OTUD7A: variants seen among roughly 807,000 people sequenced by gnomAD.
OTUD7A encodes OTU domain-containing protein 7A.
A neutral mutation model predicts 65.7 loss-of-function variants in OTUD7A; 12 were observed. The ratio of observed to expected loss-of-function variants is 0.18; its 90% CI spans 0.12 to 0.30. The LOEUF (loss-of-function observed/expected upper bound fraction) is 0.30, where lower values mean the gene tolerates loss of function less well. Ranked by LOEUF, OTUD7A falls within the 10% of genes least tolerant of loss-of-function variation. The pLI is 1.00. For synonymous variants in OTUD7A, 641 were observed against 586.3 expected, an observed-to-expected ratio of 1.09 and a Z score of -1.35; for missense variants, 1,148 against 1,304.8, an observed-to-expected ratio of 0.88 and a Z score of 1.85.
chr15:31,637,462 G>GATGT (rs1891376738), intron 3 of OTUD7A, among the ~76,000 whole-genome samples: 1 of 152,234 alleles, frequency 6.6e-6, no homozygotes, highest in Admixed American at 6.5e-5. Context: ...CTCTGATGAA[G>GATGT]ATGTACAAGA....
At chr15:31,572,247 A>G (rs551687389) in intron 3 of OTUD7A, among the ~76,000 whole-genome samples, 1 of 152,264 alleles carries the variant, frequency 6.6e-6, no homozygotes, top group African/African-American at 2.4e-5. Flanking sequence ...AGATCTTCAA[A>G]CTGTATTCCT....
Position 31,795,023 on chromosome 15 carries a change from A to C in OTUD7A, c.-100+75484T>G, listed in dbSNP as rs74809570. On this transcript the variant is annotated intron_variant, in intron 1 of 12. Coordinates refer to ENST00000307050, the MANE Select transcript of OTUD7A (RefSeq NM_001382637.1). ...AGATTACTGCGGCTATAAATCTTTT[A>C]AATAATAAAATCTAGTTATTCTCAT... Among the ~76,000 whole-genome samples, 572 of 152,380 alleles carry C rather than the reference A, an allele frequency of 3.8e-3. 7 individuals are homozygous for C. Among genetic ancestry groups the C allele is most frequent in the African/African-American group, 0.013 (538 of 41,592 alleles).
intron 5 of OTUD7A, among the ~76,000 whole-genome samples, chr15:31,538,728 C>T (rs932803797): frequency 6.6e-6 from 1 of 152,110 alleles, no homozygotes; most frequent in Admixed American, 6.5e-5. Context: ...AAGAAACACA[C>T]CCATCACCCA....
intron 1 of OTUD7A, among the ~76,000 whole-genome samples, chr15:31,669,309 C>G (rs564875539): frequency 3.2e-4 from 49 of 152,214 alleles, no homozygotes; most frequent in African/African-American, 7.7e-4. Context: ...GACTGTCCTT[C>G]GGTGCGTCTT....
chr15:31,575,161 AC>A (rs1206549797), intron 3 of OTUD7A, among the ~76,000 whole-genome samples: 4 of 152,222 alleles, frequency 2.6e-5, no homozygotes. Flanking sequence ...TACAGATAGC[AC>A]AGTAGGAATG....
intron 3 of OTUD7A, among the ~76,000 whole-genome samples, chr15:31,589,320 GACAGGGTCTTACTCTGTCAC>G (rs1418320774): frequency 1.4e-5 from 2 of 147,164 alleles, no homozygotes; most frequent in Admixed American, 1.4e-4. Context: ...TTTTTTTTGA[GACAGGGTCTTACTCTGTCAC>G]ACAGGCTGGC....
In OTUD7A at chr15:31,476,608, T is replaced by C. The variant is rs1313055428; in HGVS notation, c.*6686A>G. ...TTATTTGGCAATTCAAGCACAGGAA[T>C]GCACATGTGTGGGCCCACTCACTGC... On this transcript the variant is annotated 3_prime_UTR_variant, in exon 13 of 13. Transcript: ENST00000307050. 6.6e-6 allele frequency: 1 copy of C among 152,236 alleles called. No individual in the cohort carries two copies. Among genetic ancestry groups the C allele is most frequent in the Non-Finnish European group, 1.5e-5 (1 of 68,078 alleles). 9.4% of individuals were successfully genotyped at this position (152,236 alleles called of 1,614,324 possible).
intron 1 of OTUD7A, among the ~76,000 whole-genome samples, chr15:31,657,528 T>C (rs1892028821): frequency 6.6e-6 from 1 of 150,642 alleles, no homozygotes; most frequent in Non-Finnish European, 1.5e-5. Flanking sequence ...CAGCTAATTT[T>C]TTTTTTGTAT....
At chr15:31,798,715 TATAAC>T (rs1427923370) in intron 1 of OTUD7A, among the ~76,000 whole-genome samples, 5 of 152,132 alleles carry the variant, frequency 3.3e-5, no homozygotes, top group African/African-American at 1.2e-4. Context: ...AGCTGACCCT[TATAAC>T]AGAGCAAACA....
At chr15:31,606,994 T>C (rs1890257258) in intron 3 of OTUD7A, among the ~76,000 whole-genome samples, 1 of 152,086 alleles carries the variant, frequency 6.6e-6, no homozygotes. Context: ...AATGGTGGAG[T>C]AGGTTGTTTT....
chr15:31,534,001 T>C (rs1887715992), intron 5 of OTUD7A, among the ~76,000 whole-genome samples: 2 of 152,128 alleles, frequency 1.3e-5, no homozygotes. Context: ...TATAATGTAA[T>C]AACTAGAACA....
chr15:31,671,311 C>T (rs1316776558), intron 1 of OTUD7A, among the ~76,000 whole-genome samples: 2 of 152,170 alleles, frequency 1.3e-5, no homozygotes, highest in South Asian at 2.1e-4. Flanking sequence ...TTTCCCAGCA[C>T]CATTTATTAA....
At chr15:31,725,304 A>T (rs1893853365) in intron 1 of OTUD7A, among the ~76,000 whole-genome samples, 1 of 152,204 alleles carries the variant, frequency 6.6e-6, no homozygotes, top group South Asian at 2.1e-4. Context: ...GGCCATTGAC[A>T]GTCGCCTGTC....
chr15:31,538,827 T>G (rs1402903175), intron 5 of OTUD7A, among the ~76,000 whole-genome samples: 1 of 152,142 alleles, frequency 6.6e-6, no homozygotes, highest in East Asian at 1.9e-4. Context: ...AAGATCAAGC[T>G]GAAGTTCCCT....
At chr15:31,772,811 T>C (rs1424053622) in intron 1 of OTUD7A, among the ~76,000 whole-genome samples, 1 of 152,244 alleles carries the variant, frequency 6.6e-6, no homozygotes, top group African/African-American at 2.4e-5. Flanking sequence ...CAAATATATC[T>C]AGACGTGCTA....
intron 1 of OTUD7A, among the ~76,000 whole-genome samples, chr15:31,665,504 T>C (rs1182567518): frequency 2.0e-5 from 3 of 152,224 alleles, no homozygotes; most frequent in Admixed American, 6.5e-5. Flanking sequence ...TTTGTGTACA[T>C]TAATCTTGTA....
chr15:31,592,905 ATATATATATATATATATAT>A (rs1464953925), intron 3 of OTUD7A, among the ~76,000 whole-genome samples: 1 of 32,242 alleles, frequency 3.1e-5, no homozygotes, highest in Non-Finnish European at 4.7e-5. Flanking sequence ...AAAAAAAAAA[ATATATATATATATATATAT>A]ATATATATAT....
At chr15:31,571,625 G>C (rs1889056842) in intron 3 of OTUD7A, among the ~76,000 whole-genome samples, 3 of 152,144 alleles carry the variant, frequency 2.0e-5, no homozygotes, top group Non-Finnish European at 2.9e-5. Context: ...ATGAGAAAAG[G>C]AGATAGTGTT....
intron 1 of OTUD7A, among the ~76,000 whole-genome samples, chr15:31,685,036 G>A (rs962879504): frequency 2.0e-5 from 3 of 151,888 alleles, no homozygotes; most frequent in Admixed American, 6.6e-5. Context: ...TTATGGAAAC[G>A]TTGATTCCAA....
Sources: gnomAD v4.1 joint callset for allele counts (sites outside exome capture counted in the v4.1 genomes callset) on GRCh38, gnomAD v4.1.1 for gene constraint, MANE v1.5 for transcripts, NCBI Gene and HGNC (gene_info 2026-07-23, HGNC 2026-07-21) for gene names.